TRAPPC13: variants seen among roughly 807,000 people sequenced by gnomAD.
TRAPPC13 encodes REV7-interacting novel NHEJ regulator 1.
TRAPPC13 carries 39 observed loss-of-function variants against 54.0 expected under a neutral mutation model. The ratio of observed to expected loss-of-function variants is 0.72; its 90% CI spans 0.56 to 0.94. TRAPPC13 has a LOEUF of 0.94. Among genes scored for constraint, TRAPPC13 ranks in the 40% least tolerant of loss-of-function variants. The pLI, the probability that TRAPPC13 is intolerant of heterozygous loss-of-function variation, is 0.00. For synonymous variants in TRAPPC13, 148 were observed against 167.7 expected (o/e 0.88, Z 0.91); for missense variants, 386 against 488.1 (o/e 0.79, Z 1.97).
At chr5:65,658,332 A>T (rs28084) in intron 8 of TRAPPC13, 36 bp from the exon 9 acceptor site, 3 of 1,549,832 alleles carry the variant, frequency 1.9e-6, no homozygotes, top group Non-Finnish European at 2.6e-6. Flanking sequence ...TTTAAATGCC[A>T]CCACACCTTG....
At chr5:65,637,347 A>G (rs573383935) in intron 3 of TRAPPC13, among the ~76,000 whole-genome samples, 2 of 152,276 alleles carry the variant, frequency 1.3e-5, no homozygotes, top group African/African-American at 4.8e-5. Flanking sequence ...TTAATGTAAA[A>G]CCTGATGGGC....
chr5:65,642,784 G>A (rs1349693105), intron 4 of TRAPPC13, among the ~76,000 whole-genome samples: 3 of 151,992 alleles, frequency 2.0e-5, no homozygotes, highest in Non-Finnish European at 4.4e-5. Context: ...TCTTAGCCTC[G>A]CGAGTTGCTG....
intron 9 of TRAPPC13, among the ~76,000 whole-genome samples, chr5:65,660,206 CTCTTA>C (rs1404627725): frequency 3.3e-5 from 5 of 151,804 alleles, no homozygotes; most frequent in South Asian, 4.1e-4. Context: ...TTATTCTAAA[CTCTTA>C]TCTTTGATAA....
intron 1 of TRAPPC13, chr5:65,630,195 C>T: frequency 6.5e-7 from 1 of 1,535,926 alleles, no homozygotes; most frequent in Non-Finnish European, 8.7e-7. Context: ...TGTAATGCTA[C>T]AATTCAGAGG....
intron 11 of TRAPPC13, chr5:65,662,974 C>A (rs984682963): frequency 6.6e-6 from 1 of 151,992 alleles, no homozygotes; most frequent in Non-Finnish European, 1.5e-5. Context: ...TATTTAGTGA[C>A]ACTCATATAT....
In TRAPPC13 at chr5:65,633,267, T is replaced by C. The variant is rs576492383; in HGVS notation, c.47-2034T>C. Among the ~76,000 whole-genome samples, 6 of 152,236 alleles carry C rather than the reference T, an allele frequency of 3.9e-5. No individual in the cohort carries two copies. In the South Asian group the frequency reaches 1.2e-3, roughly 32 times the overall value. ...TAGGTCTATAGTCTTTATAGTATTT[T>C]GGCTTTGATTTGAAGGAATTTTTTT... On this transcript the variant is annotated intron_variant, in intron 1 of 12. Coordinates refer to ENST00000399438, the MANE Select transcript of TRAPPC13 (RefSeq NM_024941.4).
Position 65,635,286 on chromosome 5 carries a change from T to G in TRAPPC13, c.47-15T>G, listed in dbSNP as rs762613583. On this transcript the variant is annotated splice_polypyrimidine_tract_variant and intron_variant, in intron 1 of 12. Coordinates refer to ENST00000399438, the MANE Select transcript of TRAPPC13 (RefSeq NM_024941.4). ...GTATTAATGTTTTGTTTTCTTTTAC[T>G]TTTTTACTTCACAGTGATGCGGCTG... 2 of 1,611,486 alleles carry G rather than the reference T, an allele frequency of 1.2e-6. No individual in the cohort carries two copies. Among genetic ancestry groups the G allele is most frequent in the African/African-American group, 2.7e-5 (2 of 74,902 alleles).
chr5:65,643,833 G>GA (rs1358172579), intron 4 of TRAPPC13, among the ~76,000 whole-genome samples: 99 of 70,470 alleles, frequency 1.4e-3, no homozygotes, highest in Non-Finnish European at 2.3e-3. Context: ...AAAAAAAAAA[G>GA]AAAGAAAAAA....
At chr5:65,630,155 C>G in intron 1 of TRAPPC13, 1 of 1,535,976 alleles carries the variant, frequency 6.5e-7, no homozygotes, top group African/African-American at 1.4e-5. Context: ...AAAACTCAAT[C>G]AAATTATTAG....
chr5:65,650,746 T>TTTACTATTACTATTCTTA, intron 5 of TRAPPC13, 64 bp from the exon 6 acceptor site: 5 of 1,280,620 alleles, frequency 3.9e-6, no homozygotes, highest in Non-Finnish European at 5.6e-6. Context: ...AGAATTGAGG[T>TTTACTATTACTATTCTTA]GTGTTTGATT....
At chr5:65,646,967 C>A in intron 4 of TRAPPC13, 88 bp from the exon 5 acceptor site, 1 of 1,228,082 alleles carries the variant, frequency 8.1e-7, no homozygotes, top group Non-Finnish European at 1.1e-6. Flanking sequence ...AATTCTTATT[C>A]CCCTATTCTT....
At chr5:65,627,661 C>G (rs1196121281) in intron 1 of TRAPPC13, among the ~76,000 whole-genome samples, 5 of 151,596 alleles carry the variant, frequency 3.3e-5, no homozygotes, top group African/African-American at 4.9e-5. Flanking sequence ...GAGTATAACA[C>G]TGATTGACTT....
intron 11 of TRAPPC13, 29 bp downstream of exon 11, chr5:65,662,179 C>CT: frequency 6.9e-7 from 1 of 1,459,806 alleles, no homozygotes; most frequent in Non-Finnish European, 9.4e-7. Flanking sequence ...GATGGATGTC[C>CT]TTTCTACCTC....
At chr5:65,640,719 A>C (rs1417660112) in intron 4 of TRAPPC13, among the ~76,000 whole-genome samples, 1 of 152,204 alleles carries the variant, frequency 6.6e-6, no homozygotes, top group Non-Finnish European at 1.5e-5. Flanking sequence ...TTATTTTTAT[A>C]AGAGATTAAT....
At chr5:65,651,848 T>TG (rs1756460641) in intron 6 of TRAPPC13, among the ~76,000 whole-genome samples, 19 of 24,604 alleles carry the variant, frequency 7.7e-4, no homozygotes, top group African/African-American at 4.0e-3. Context: ...TTCAGTTTTT[T>TG]TTTTTTTTTT....
chr5:65,647,124 C>A lies in TRAPPC13; in HGVS notation c.370C>A (p.Pro124Thr). 1 of 1,572,244 alleles carries A rather than the reference C, an allele frequency of 6.4e-7. No homozygotes were observed. Among genetic ancestry groups the A allele is most frequent in the Non-Finnish European group, 8.6e-7 (1 of 1,156,858 alleles). ...ASNAAVAELKPDCCIDDVIHH... is the reference protein window; with the variant it reads ...ASNAAVAELKTDCCIDDVIHH... ...CAATGCTGCAGTGGCTGAACTTAAA[C>A]CGGATTGTTGTATTGATGATGTCAT... is the stretch of plus-strand genomic sequence containing the variant. The change falls in exon 5 of 13, where the codon CCG becomes ACG. Residue 124 changes from proline (P) to threonine (T), a missense_variant. Physicochemically the swap from Pro to Thr is conservative, Grantham distance 38. Coordinates refer to ENST00000399438, the MANE Select transcript of TRAPPC13 (RefSeq NM_024941.4).
At chr5:65,645,146 C>T (rs943147902) in intron 4 of TRAPPC13, among the ~76,000 whole-genome samples, 2 of 136,812 alleles carry the variant, frequency 1.5e-5, no homozygotes, top group South Asian at 2.3e-4. Context: ...TGCAGTCAGC[C>T]GAGATCATGC....
chr5:65,629,510 T>G (rs1048031741), intron 1 of TRAPPC13: 15 of 1,440,090 alleles, frequency 1.0e-5, no homozygotes, highest in African/African-American at 1.4e-5. Context: ...AATCTTGCAA[T>G]AATAAATTAA....
At chr5:65,632,882 A>G (rs748280487) in intron 1 of TRAPPC13, among the ~76,000 whole-genome samples, 2 of 152,228 alleles carry the variant, frequency 1.3e-5, no homozygotes, top group Non-Finnish European at 2.9e-5. Context: ...TTTCAAAATA[A>G]TGTCAGTTAT....
Sources: gnomAD v4.1 joint callset for allele counts (sites outside exome capture counted in the v4.1 genomes callset) on GRCh38, gnomAD v4.1.1 for gene constraint, MANE v1.5 for transcripts, NCBI Gene and HGNC (gene_info 2026-07-23, HGNC 2026-07-21) for gene names.